STAT3: variants seen among roughly 807,000 people sequenced by gnomAD.
The protein encoded by STAT3 is DNA-binding protein APRF.
In STAT3, 7 loss-of-function variants were observed where a neutral mutation model predicts 114.3. The ratio of observed to expected loss-of-function variants is 0.06; its 90% CI spans 0.03 to 0.11. The LOEUF is 0.11. Among genes scored for constraint, STAT3 ranks in the 10% least tolerant of loss-of-function variants. The pLI is 1.00. For synonymous variants in STAT3, 331 were observed against 354.5 expected, an observed-to-expected ratio of 0.93 and a Z score of 0.74; for missense variants, 364 against 960.9, an observed-to-expected ratio of 0.38 and a Z score of 8.21.
At chr17:42,385,370 G>A (rs900319160) in intron 1 of STAT3, among the ~76,000 whole-genome samples, 1 of 151,776 alleles carries the variant, frequency 6.6e-6, no homozygotes, top group Non-Finnish European at 1.5e-5. Context: ...TTAGCCGGGC[G>A]TAGTGGCGGG....
At position 42,348,454 on chromosome 17, in the gene STAT3, G is replaced by C. The variant is rs541045758; in HGVS notation, c.63C>G (p.Leu21=). The C allele has an allele frequency of 6.8e-6, 11 of 1,613,928 alleles. No individual in the cohort carries two copies. The highest frequency in any genetic ancestry group is 9.3e-6 in the Non-Finnish European group (11 of 1,180,034). The change falls in exon 2 of 24, where the codon CTC becomes CTG. Residue 21 remains leucine, a synonymous_variant. Transcript: ENST00000264657. The part of the protein sequence containing the change: ...DTRYLEQLHQ[L]YSDSFPMELR... ...GCTCCATTGGGAAGCTGTCACTGTA[G>C]AGCTGATGGAGCTGCTCCAGGTACC...
In STAT3 at chr17:42,325,979, AG is replaced by A. The variant is rs1462197915; in HGVS notation, c.1365+136del. 3 of 841,366 alleles carry A rather than the reference AG, an allele frequency of 3.6e-6. No individual in the cohort carries two copies. The African/African-American group carries it at 5.0e-5, about 14-fold the overall frequency. 52.1% of individuals were successfully genotyped at this position (841,366 alleles called of 1,614,324 possible). A position where few individuals can be genotyped will look rare whatever the true frequency, so the allele number is the denominator to read the frequency against. ...GATGGGATGCCAAGGATTTTTTTGG[AG>A]AAAAGTAAGCAAAAATAAACACAGT... On this transcript the variant is annotated intron_variant, in intron 15 of 23. Coordinates refer to ENST00000264657, the MANE Select transcript of STAT3 (RefSeq NM_139276.3).
At chr17:42,317,332 C>T in intron 21 of STAT3, 108 bp from the exon 22 acceptor site, 3 of 1,289,164 alleles carry the variant, frequency 2.3e-6, no homozygotes, top group Non-Finnish European at 3.3e-6. Flanking sequence ...CTCACTCATC[C>T]TCATGCCAAG....
chr17:42,347,577 T>C lies in STAT3; in HGVS notation c.128+812A>G, dbSNP rs146348283. Among the ~76,000 whole-genome samples, 121 of 152,344 alleles carry C rather than the reference T, an allele frequency of 7.9e-4. 1 individual carries two copies. The highest frequency in any genetic ancestry group is 2.8e-3 in the African/African-American group (115 of 41,578). ...AATCTACTTCCCTTATCCTGTGATC[T>C]AGTTTGGATCTACATCCCTGCCCAA... On this transcript the variant is annotated intron_variant, in intron 2 of 23. Coordinates refer to ENST00000264657, the MANE Select transcript of STAT3 (RefSeq NM_139276.3).
At chr17:42,329,999 G>A (rs949892583) in intron 11 of STAT3, among the ~76,000 whole-genome samples, 4 of 152,180 alleles carry the variant, frequency 2.6e-5, no homozygotes, top group Admixed American at 1.3e-4. Flanking sequence ...TATTGCATAT[G>A]TACTTATTAA....
At chr17:42,352,099 G>C (rs1013681358) in intron 1 of STAT3, among the ~76,000 whole-genome samples, 45 of 152,054 alleles carry the variant, frequency 3.0e-4, no homozygotes, top group Admixed American at 5.9e-4. Context: ...CCAGAACTTT[G>C]GGAGGCCGAG....
At chr17:42,360,850 C>T (rs1035335289) in intron 1 of STAT3, among the ~76,000 whole-genome samples, 3 of 152,112 alleles carry the variant, frequency 2.0e-5, no homozygotes, top group African/African-American at 7.2e-5. Context: ...AACAACCAAA[C>T]ACATCCAGGG....
rs9891867 is a variant in STAT3 at position 42,316,471 on chromosome 17, G to A, written c.2257+318C>T. The A allele has an allele frequency of 0.18, 87,728 of 482,160 alleles. 9,070 individuals are homozygous for A. Among genetic ancestry groups the A allele is most frequent in the East Asian group, 0.35 (5,556 of 15,740 alleles). The allele number at this position is 482,160 out of a possible 1,614,324, so 29.9% of individuals were successfully genotyped here. A position where few individuals can be genotyped will look rare whatever the true frequency, so the allele number is the denominator to read the frequency against. Reference sequence around the variant, plus strand: ...TGACCTCAAGTGATCCACCCACCTCGGCCTCCCAAAGTGCTGGGATTACAG... The same window carrying A: ...TGACCTCAAGTGATCCACCCACCTCAGCCTCCCAAAGTGCTGGGATTACAG... On this transcript the variant is annotated intron_variant, in intron 23 of 23. Transcript: ENST00000264657.
chr17:42,358,933 C>CTTTTTTTTTTTTTTTTTTTTT lies in STAT3; in HGVS notation c.-23-10395_-23-10394insAAAAAAAAAAAAAAAAAAAAA, dbSNP rs35099574. Among the ~76,000 whole-genome samples, 107 of 100,434 alleles carry CTTTTTTTTTTTTTTTTTTTTT rather than the reference C, an allele frequency of 1.1e-3. 7 individuals carry two copies. The highest frequency in any genetic ancestry group is 1.6e-3 in the Non-Finnish European group (86 of 53,334). The allele number at this position is 100,434 out of a possible 152,430, so 65.9% of individuals were successfully genotyped here. ...GTCTCCCTTTCATGGACATTTCTTA[C>CTTTTTTTTTTTTTTTTTTTTT]TTTTTTTTTTTTTTTTTTTGAGATG... On this transcript the variant is annotated intron_variant, in intron 1 of 23. Coordinates refer to ENST00000264657, the MANE Select transcript of STAT3 (RefSeq NM_139276.3).
chr17:42,343,509 C>T (rs2082549180), intron 4 of STAT3, among the ~76,000 whole-genome samples: 1 of 136,612 alleles, frequency 7.3e-6, no homozygotes, highest in Non-Finnish European at 1.5e-5. Context: ...CCCAGGAGTG[C>T]AGTGGCGCAA....
At chr17:42,357,669 T>A (rs574992777) in intron 1 of STAT3, among the ~76,000 whole-genome samples, 1 of 151,870 alleles carries the variant, frequency 6.6e-6, no homozygotes, top group Non-Finnish European at 1.5e-5. Flanking sequence ...CGAAACTCCA[T>A]CTCAAAAAAT....
At chr17:42,375,258 T>A (rs1346640090) in intron 1 of STAT3, among the ~76,000 whole-genome samples, 1 of 152,216 alleles carries the variant, frequency 6.6e-6, no homozygotes, top group East Asian at 1.9e-4. Flanking sequence ...CCTGTGGACA[T>A]GACTTCACTA....
chr17:42,384,278 G>A (rs887140335), intron 1 of STAT3, among the ~76,000 whole-genome samples: 3 of 151,490 alleles, frequency 2.0e-5, no homozygotes, highest in Admixed American at 2.0e-4. Flanking sequence ...ACAGACGCCC[G>A]CCACAACGCC....
intron 5 of STAT3, 136 bp from the exon 6 acceptor site, chr17:42,338,948 C>T (rs1370516263): frequency 1.3e-6 from 1 of 786,838 alleles, no homozygotes; most frequent in East Asian, 2.6e-5. Flanking sequence ...CAGGCAGTAT[C>T]CCCAAGAGAA....
chr17:42,324,462 GA>G lies in STAT3; in HGVS notation c.1600+248del, dbSNP rs2081616872. Among the ~76,000 whole-genome samples, 1 of 152,162 alleles carries G rather than the reference GA, an allele frequency of 6.6e-6. No individual in the cohort carries two copies. Among genetic ancestry groups the G allele is most frequent in the Non-Finnish European group, 1.5e-5 (1 of 68,034 alleles). ...TCTTCTAAAGTTAGATAGAGTGGGT[GA>G]ATGAGACAGCAACCAGGAGAAAAGA... On this transcript the variant is annotated intron_variant, in intron 17 of 23. Coordinates refer to ENST00000264657, the MANE Select transcript of STAT3 (RefSeq NM_139276.3). The surrounding 1 kb of genome is among the most constrained non-coding windows in gnomAD (Gnocchi z 4.5).
chr17:42,328,842 C>T (rs2081862477), intron 14 of STAT3, among the ~76,000 whole-genome samples: 1 of 152,090 alleles, frequency 6.6e-6, no homozygotes, highest in Non-Finnish European at 1.5e-5. Flanking sequence ...AAAGTTTATT[C>T]TTGACAATAA....
chr17:42,350,108 T>C (rs917730742), intron 1 of STAT3, among the ~76,000 whole-genome samples: 3 of 150,318 alleles, frequency 2.0e-5, no homozygotes, highest in Non-Finnish European at 3.0e-5. Flanking sequence ...GAGCCAAAGA[T>C]GAAGGTATGT....
chr17:42,334,179 A>AAT (rs2082135389), intron 8 of STAT3, 130 bp from the exon 9 acceptor site: 2 of 1,032,932 alleles, frequency 1.9e-6, no homozygotes, highest in Middle Eastern at 2.5e-4. Flanking sequence ...ATTGTGGTGA[A>AAT]ATATATATAG....
At chr17:42,374,630 A>G (rs2084354662) in intron 1 of STAT3, among the ~76,000 whole-genome samples, 1 of 137,340 alleles carries the variant, frequency 7.3e-6, no homozygotes, top group South Asian at 2.4e-4. Context: ...AAAAAAAAAG[A>G]ACCCAGTCTG....
Sources: gnomAD v4.1 joint callset for allele counts (sites outside exome capture counted in the v4.1 genomes callset) on GRCh38, gnomAD v4.1.1 for gene constraint, Gnocchi (gnomAD v3.1) non-coding constraint, MANE v1.5 for transcripts, NCBI Gene and HGNC (gene_info 2026-07-23, HGNC 2026-07-21) for gene names.